COL17A1: variants seen among roughly 807,000 people sequenced by gnomAD.
COL17A1 encodes collagen type XVII alpha 1 chain, also known as collagen alpha-1(XVII) chain.
A neutral mutation model predicts 218.4 loss-of-function variants in COL17A1; 181 were observed. The observed-to-expected ratio is 0.83, with a 90% confidence interval of 0.73 to 0.94. The LOEUF is 0.94. Ranked by LOEUF, COL17A1 falls within the 40% of genes least tolerant of loss-of-function variation. The pLI, the probability that COL17A1 is intolerant of heterozygous loss-of-function variation, is 0.00. For synonymous variants in COL17A1, 721 were observed against 731.0 expected, an observed-to-expected ratio of 0.99 and a Z score of 0.22; for missense variants, 1,924 against 1,945.9, an observed-to-expected ratio of 0.99 and a Z score of 0.21.
At chr10:104,043,389 C>T (rs2086378659) in intron 35 of COL17A1, 112 bp downstream of exon 35, 3 of 994,696 alleles carry the variant, frequency 3.0e-6, no homozygotes, top group African/African-American at 3.2e-5. Context: ...TCCTTATTCT[C>T]TTTACCAGGT....
intron 2 of COL17A1, 70 bp from the exon 3 acceptor site, chr10:104,078,656 A>G: frequency 6.3e-7 from 1 of 1,597,148 alleles, no homozygotes; most frequent in African/African-American, 1.3e-5. Flanking sequence ...GGCAAGGTCT[A>G]AGCTCTGTCA....
chr10:104,032,428 A>C, intron 55 of COL17A1, 138 bp from the exon 56 acceptor site: 1 of 841,146 alleles, frequency 1.2e-6, no homozygotes, highest in South Asian at 1.4e-5. Flanking sequence ...ACATTTATTT[A>C]ACTTGTTTGC....
At chr10:104,076,481 C>A (rs555116057) in intron 4 of COL17A1, 52 bp from the exon 5 acceptor site, 3 of 1,611,632 alleles carry the variant, frequency 1.9e-6, no homozygotes, top group African/African-American at 1.3e-5. Flanking sequence ...AGAGGTGAAC[C>A]AAATGGCTAC....
At chr10:104,045,395 A>C (rs2086398595) in intron 33 of COL17A1, among the ~76,000 whole-genome samples, 1 of 152,226 alleles carries the variant, frequency 6.6e-6, no homozygotes, top group African/African-American at 2.4e-5. Context: ...GGAGGGGACC[A>C]AGCCTACATA....
intron 35 of COL17A1, among the ~76,000 whole-genome samples, chr10:104,042,778 G>A (rs1011569589): frequency 6.6e-6 from 1 of 152,188 alleles, no homozygotes; most frequent in African/African-American, 2.4e-5. Context: ...CTTGGTTGTG[G>A]TAAGTTGTGT....
At chr10:104,052,791 A>C (rs1266845230) in intron 23 of COL17A1, among the ~76,000 whole-genome samples, 3 of 152,142 alleles carry the variant, frequency 2.0e-5, no homozygotes, top group Admixed American at 6.5e-5. Context: ...TGCTCCTGTG[A>C]CCACTTTCCC....
rs2086520042 is a variant in COL17A1, at chr10:104,055,897, G to A, written c.1572C>T (p.Leu524=). Residue 524 remains leucine, a synonymous_variant, in exon 18 of 56, where the codon CTC becomes CTT. Coordinates refer to ENST00000648076, the MANE Select transcript of COL17A1 (RefSeq NM_000494.4). ...DSMDRIEKDR[L]QGMAPAAGAD... is the part of the protein sequence containing the mutation. ...CTCCCGCCGCGGGTGCCATGCCCTG[G>A]AGGCGGTCCTTTTCTATTCTATCCA... 1 of 1,614,072 alleles carries A rather than the reference G, an allele frequency of 6.2e-7. No homozygotes were observed. Among genetic ancestry groups the A allele is most frequent in the Admixed American group, 1.7e-5 (1 of 60,002 alleles).
rs1468374379 is a variant in COL17A1, at chr10:104,037,717, G to T, written c.3127C>A (p.Pro1043Thr). Residue 1043 changes from proline to threonine, a missense_variant, in exon 46 of 56, where the codon CCC (proline) becomes ACC (threonine). Coordinates refer to ENST00000648076, the MANE Select transcript of COL17A1 (RefSeq NM_000494.4). The part of the protein sequence containing the change: ...GVQGPPGPPG[P>T]PGPVTTITGE... ...GTGATGGTGGTGACAGGTCCTGGGG[G>T]ACCAGGTGGGCCTGGGGGACCCTGA... 7 of 1,614,018 alleles carry T rather than the reference G, an allele frequency of 4.3e-6. No individual in the cohort carries two copies. In the East Asian group the frequency reaches 6.7e-5, roughly 15 times the overall value.
chr10:104,050,497 T>C, intron 27 of COL17A1, 124 bp downstream of exon 27: 1 of 1,515,154 alleles, frequency 6.6e-7, no homozygotes. Flanking sequence ...ATCTGAGAGG[T>C]TGGATTAGAA....
Position 104,032,701 on chromosome 10 carries a change from C to T in COL17A1, c.4411G>A (p.Gly1471Arg), listed in dbSNP as rs760049517. 6.2e-7 allele frequency: 1 copy of T among 1,614,148 alleles called. No individual in the cohort carries two copies. Among genetic ancestry groups the T allele is most frequent in the Non-Finnish European group, 8.5e-7 (1 of 1,180,000 alleles). Residue 1471 changes from glycine to arginine, a missense_variant, in exon 55 of 56, where the codon GGA becomes AGA. Gly to Arg is a moderately radical substitution (Grantham distance 125). Coordinates refer to ENST00000648076, the MANE Select transcript of COL17A1 (RefSeq NM_000494.4). ...TTGTCTCCTTTTTCTCCCTTGTGTC[C>T]TCGAGGGCCAGGTGGCCCAGGATGA... ...PGHPGPPGPR[G>R]HKGEKGDKGD...
At position 104,078,658 on chromosome 10, in the gene COL17A1, G is replaced by A. The variant is rs2134661183; in HGVS notation, c.53-72C>T. On this transcript the variant is annotated intron_variant, in intron 2 of 55. Coordinates refer to ENST00000648076, the MANE Select transcript of COL17A1 (RefSeq NM_000494.4). ...ACCTCTGGATCTTGGCAAGGTCTAA[G>A]CTCTGTCACAGGCTAAGCATATTAA... 4 of 1,595,040 alleles carry A rather than the reference G, an allele frequency of 2.5e-6. No homozygotes were observed. In the East Asian group the frequency reaches 9.0e-5, roughly 36 times the overall value.
At position 104,032,230 on chromosome 10, in the gene COL17A1, C is replaced by G. The variant is rs752421627; in HGVS notation, c.*5G>C. 6.2e-7 allele frequency: 1 copy of G among 1,612,448 alleles called. No homozygotes were observed. The highest frequency in any genetic ancestry group is 8.5e-7 in the Non-Finnish European group (1 of 1,178,490). On this transcript the variant is annotated 3_prime_UTR_variant, in exon 56 of 56. Transcript: ENST00000648076. ...TGGTCCAGGAGCTGTCCTGCCATGG[C>G]TAGCTCACGGCTTGACAGCAATACT...
At chr10:104,038,345 T>G in intron 45 of COL17A1, 61 bp downstream of exon 45, 2 of 1,609,324 alleles carry the variant, frequency 1.2e-6, no homozygotes, top group South Asian at 2.2e-5. Flanking sequence ...CACAGCTCCC[T>G]TGCAAAGAGA....
At chr10:104,032,824 T>A in intron 54 of COL17A1, 70 bp from the exon 55 acceptor site, 1 of 1,603,724 alleles carries the variant, frequency 6.2e-7, no homozygotes, top group Admixed American at 1.7e-5. Context: ...GTAGCCGGTG[T>A]GGCACCAGCA....
At chr10:104,058,999 G>C (rs1020371895) in intron 15 of COL17A1, among the ~76,000 whole-genome samples, 2 of 151,922 alleles carry the variant, frequency 1.3e-5, no homozygotes, top group African/African-American at 4.8e-5. Flanking sequence ...GAATTTACTC[G>C]GCAATTTGTT....
At chr10:104,043,423 G>C (rs1454820918) in intron 35 of COL17A1, 78 bp downstream of exon 35, 17 of 1,345,436 alleles carry the variant, frequency 1.3e-5, no homozygotes, top group Non-Finnish European at 1.8e-5. Flanking sequence ...TGGGTTTCAG[G>C]ATCTGAAGAA....
intron 23 of COL17A1, 96 bp downstream of exon 23, chr10:104,052,935 G>T: frequency 7.0e-7 from 1 of 1,425,604 alleles, no homozygotes; most frequent in Non-Finnish European, 9.9e-7. Flanking sequence ...AAGGAAGGGG[G>T]GAGAAACAGA....
At chr10:104,051,548 A>AGGG in intron 24 of COL17A1, 32 bp from the exon 25 acceptor site, 1 of 1,613,762 alleles carries the variant, frequency 6.2e-7, no homozygotes, top group South Asian at 1.1e-5. Flanking sequence ...CAATCAGCAG[A>AGGG]GGGGCAGATA....
At chr10:104,036,147 T>A (rs112662341) in intron 48 of COL17A1, among the ~76,000 whole-genome samples, 18 of 152 alleles carry the variant, frequency 0.12, no homozygotes, top group East Asian at 0.25. Context: ...TGTGTATGGG[T>A]GTATGGGAGT....
Sources: allele counts gnomAD v4.1 joint callset (sites outside exome capture counted in the v4.1 genomes callset), GRCh38; gene constraint gnomAD v4.1.1; transcripts MANE v1.5; gene names NCBI Gene and HGNC (gene_info 2026-07-23, HGNC 2026-07-21).